DLG2: variants seen among roughly 807,000 people sequenced by gnomAD.
DLG2 encodes the protein discs large MAGUK scaffold protein 2.
In DLG2, 45 loss-of-function variants were observed where a neutral mutation model predicts 132.5. That is an observed-to-expected ratio of 0.34 (90% CI 0.27 to 0.44). DLG2 has a LOEUF of 0.44. Ranked by LOEUF, DLG2 falls within the 20% of genes least tolerant of loss-of-function variation. The pLI is 1.00. For synonymous variants in DLG2, 424 were observed against 419.6 expected (o/e 1.01, Z -0.13); for missense variants, 1,045 against 1,196.9 (o/e 0.87, Z 1.87).
intron 11 of DLG2, among the ~76,000 whole-genome samples, chr11:84,027,709 C>T (rs572068250): frequency 6.6e-6 from 1 of 151,970 alleles, no homozygotes; most frequent in South Asian, 2.1e-4. Context: ...TATCAGTTGG[C>T]CAATATTTAA....
chr11:84,506,218 G>A (rs1230009363), intron 7 of DLG2, among the ~76,000 whole-genome samples: 1 of 151,166 alleles, frequency 6.6e-6, no homozygotes, highest in African/African-American at 2.4e-5. Context: ...TGGGACTACA[G>A]GCGCCCGCCA....
chr11:84,301,055 TAAA>T (rs1426871573), intron 7 of DLG2, among the ~76,000 whole-genome samples: 6 of 152,154 alleles, frequency 3.9e-5, no homozygotes, highest in Admixed American at 2.6e-4. Flanking sequence ...TTATGAACCT[TAAA>T]AAATTCACAC....
At chr11:83,846,538 G>A (rs1483875068) in intron 16 of DLG2, among the ~76,000 whole-genome samples, 1 of 152,186 alleles carries the variant, frequency 6.6e-6, no homozygotes, top group African/African-American at 2.4e-5. Context: ...GCTGCAAAGT[G>A]AGGGGCTTTG....
At chr11:84,677,979 T>C (rs2099718445) in intron 6 of DLG2, among the ~76,000 whole-genome samples, 1 of 152,080 alleles carries the variant, frequency 6.6e-6, no homozygotes, top group South Asian at 2.1e-4. Context: ...AGCAAAATTC[T>C]TCAGAGACTG....
chr11:83,827,816 G>C (rs891330680), intron 17 of DLG2, among the ~76,000 whole-genome samples: 1 of 152,152 alleles, frequency 6.6e-6, no homozygotes, highest in Admixed American at 6.5e-5. Context: ...CTGAGGAGGC[G>C]ACTGCACTAG....
intron 12 of DLG2, among the ~76,000 whole-genome samples, chr11:83,971,851 A>G (rs1042282115): frequency 2.0e-5 from 3 of 152,208 alleles, no homozygotes; most frequent in Non-Finnish European, 2.9e-5. Flanking sequence ...AACTATTATA[A>G]TAAAATGTAT....
intron 19 of DLG2, among the ~76,000 whole-genome samples, chr11:83,626,005 G>A (rs530993655): frequency 7.9e-5 from 12 of 152,102 alleles, no homozygotes; most frequent in Non-Finnish European, 1.3e-4. Context: ...TTTAACAAAC[G>A]TTTCCTAAGG....
chr11:83,527,543 T>C (rs1286809504), intron 21 of DLG2, among the ~76,000 whole-genome samples: 1 of 146,496 alleles, frequency 6.8e-6, no homozygotes, highest in African/African-American at 2.5e-5. Context: ...AGACCTTGTC[T>C]CTACAATTTT....
intron 3 of DLG2, among the ~76,000 whole-genome samples, chr11:85,536,688 G>A (rs142745041): frequency 4.7e-4 from 71 of 152,368 alleles, no homozygotes; most frequent in African/African-American, 1.2e-3. Context: ...CCAGGTGAGC[G>A]CAGGCTTGGC....
Position 84,071,537 on chromosome 11 carries a change from T to A in DLG2, c.750-12053A>T, listed in dbSNP as rs2096757219. Among the ~76,000 whole-genome samples, 4 of 152,166 alleles carry A rather than the reference T, an allele frequency of 2.6e-5. No individual in the cohort carries two copies. The South Asian group carries it at 8.3e-4, about 32-fold the overall frequency. ...CTCCTGCCTCAGCCTCCTGAGTATA[T>A]CCTTTTCTTTTACTCTCATTTATTC... On this transcript the variant is annotated intron_variant, in intron 10 of 27. Transcript: ENST00000376104.
chr11:84,791,720 A>G (rs1346763326), intron 6 of DLG2, among the ~76,000 whole-genome samples: 6 of 152,134 alleles, frequency 3.9e-5, no homozygotes, highest in Non-Finnish European at 8.8e-5. Flanking sequence ...TTACTTTTAA[A>G]TATCTTTTTC....
At chr11:84,787,107 G>A (rs774702933) in intron 6 of DLG2, among the ~76,000 whole-genome samples, 16 of 152,112 alleles carry the variant, frequency 1.1e-4, no homozygotes, top group Non-Finnish European at 2.1e-4. Flanking sequence ...GCATTATCAG[G>A]CTGCCTTAAA....
chr11:84,273,347 A>G (rs1376661483), intron 7 of DLG2: 2 of 1,334,062 alleles, frequency 1.5e-6, no homozygotes, highest in Non-Finnish European at 1.9e-6. Flanking sequence ...GATCTGTTAC[A>G]TAAACTTCTT....
chr11:84,809,063 C>T (rs1045701671), intron 6 of DLG2, among the ~76,000 whole-genome samples: 4 of 151,800 alleles, frequency 2.6e-5, no homozygotes, highest in East Asian at 3.9e-4. Context: ...AAATAAATTT[C>T]GACAATATAT....
intron 7 of DLG2, among the ~76,000 whole-genome samples, chr11:84,416,672 G>C (rs2098930936): frequency 6.6e-6 from 1 of 152,178 alleles, no homozygotes. Flanking sequence ...AGCTCCTGAA[G>C]CTTGAGTTTC....
rs565920317 is a variant in DLG2 at position 84,866,933 on chromosome 11, T to C, written c.357+244728A>G. On this transcript the variant is annotated intron_variant, in intron 6 of 27. Coordinates refer to ENST00000376104, the MANE Select transcript of DLG2 (RefSeq NM_001142699.3). ...TCTGTCTTTTTAGACTGTAACATTT[T>C]TAAAGGCAGGGGCCATAGTTGTATT... Among the ~76,000 whole-genome samples the C allele has an allele frequency of 1.4e-4, 22 of 152,356 alleles. No individual in the cohort carries two copies. In the South Asian group the frequency reaches 3.3e-3, roughly 23 times the overall value.
At chr11:84,843,790 C>A (rs1480461625) in intron 6 of DLG2, among the ~76,000 whole-genome samples, 3 of 151,544 alleles carry the variant, frequency 2.0e-5, no homozygotes, top group African/African-American at 7.3e-5. Context: ...CACAACCATC[C>A]TTTTTCCCCA....
chr11:83,564,001 A>G (rs1438514193), intron 19 of DLG2, among the ~76,000 whole-genome samples: 1 of 152,226 alleles, frequency 6.6e-6, no homozygotes, highest in Admixed American at 6.5e-5. Context: ...TTTATCAAAT[A>G]GCAGATAATT....
intron 4 of DLG2, among the ~76,000 whole-genome samples, chr11:85,227,956 G>A (rs753014417): frequency 6.6e-6 from 1 of 151,984 alleles, no homozygotes; most frequent in Admixed American, 6.6e-5. Context: ...CTTCCCCCAG[G>A]CATCAGAAGG....
Sources: allele counts gnomAD v4.1 joint callset (sites outside exome capture counted in the v4.1 genomes callset), GRCh38; gene constraint gnomAD v4.1.1; transcripts MANE v1.5; gene names NCBI Gene and HGNC (gene_info 2026-07-23, HGNC 2026-07-21).